The following ZCCHC7 variants were observed in gnomAD, a reference collection of about 807,000 sequenced individuals.
The protein encoded by ZCCHC7 is zinc finger CCHC-type containing 7, also known as zinc finger CCHC domain-containing protein 7.
A neutral mutation model predicts 52.0 loss-of-function variants in ZCCHC7; 35 were observed. The observed-to-expected ratio is 0.67, with a 90% CI of 0.51 to 0.89. The LOEUF is 0.89. Among genes scored for constraint, ZCCHC7 ranks in the 40% least tolerant of loss-of-function variants. ZCCHC7 has a pLI of 0.00. For missense variants in ZCCHC7, 574 were observed against 649.1 expected (o/e 0.88, Z 1.26); for synonymous variants, 217 against 221.5 (o/e 0.98, Z 0.18).
intron 2 of ZCCHC7, among the ~76,000 whole-genome samples, chr9:37,142,284 A>AT (rs1236229752): frequency 1.3e-5 from 2 of 151,632 alleles, no homozygotes; most frequent in Non-Finnish European, 3.0e-5. Context: ...ATAATTTTAG[A>AT]TTTTTTTCCT....
intron 2 of ZCCHC7, among the ~76,000 whole-genome samples, chr9:37,148,259 T>C (rs1036042664): frequency 4.6e-5 from 7 of 152,074 alleles, no homozygotes. Flanking sequence ...TGCTGGTACT[T>C]ACAAAGATGA....
intron 6 of ZCCHC7, among the ~76,000 whole-genome samples, chr9:37,328,828 T>C (rs2118198075): frequency 6.6e-6 from 1 of 152,108 alleles, no homozygotes; most frequent in East Asian, 1.9e-4. Context: ...TAAGGTGGTT[T>C]GTTTTCACAT....
intron 6 of ZCCHC7, chr9:37,333,715 G>A (rs1192455089): frequency 6.6e-6 from 1 of 151,502 alleles, no homozygotes; most frequent in Non-Finnish European, 1.5e-5. Context: ...ATTTATTCTT[G>A]ATTATTAAAT....
At chr9:37,214,686 T>G (rs904399411) in intron 2 of ZCCHC7, among the ~76,000 whole-genome samples, 6 of 152,096 alleles carry the variant, frequency 3.9e-5, no homozygotes, top group Non-Finnish European at 5.9e-5. Flanking sequence ...TTTTCTTTGA[T>G]GTTTTATGAA....
chr9:37,241,744 T>A (rs1256211515), intron 2 of ZCCHC7, among the ~76,000 whole-genome samples: 8 of 151,772 alleles, frequency 5.3e-5, no homozygotes, highest in Non-Finnish European at 1.5e-5. Flanking sequence ...CTTTCCTGAG[T>A]GCCCAGTGAG....
intron 5 of ZCCHC7, among the ~76,000 whole-genome samples, chr9:37,311,056 T>A (rs1302578640): frequency 1.3e-5 from 2 of 152,116 alleles, no homozygotes; most frequent in South Asian, 2.1e-4. Flanking sequence ...GTCAGCACTT[T>A]AAAAAACCCC....
chr9:37,334,893 A>G (rs1424583664), intron 6 of ZCCHC7, among the ~76,000 whole-genome samples: 5 of 152,118 alleles, frequency 3.3e-5, no homozygotes, highest in African/African-American at 1.2e-4. Flanking sequence ...CGCACATTTC[A>G]AAACAAGAAT....
chr9:37,124,197 T>C (rs1160666103), intron 1 of ZCCHC7, among the ~76,000 whole-genome samples: 1 of 152,190 alleles, frequency 6.6e-6, no homozygotes, highest in African/African-American at 2.4e-5. Flanking sequence ...TATTGCTCTT[T>C]AGGCTGTCCC....
chr9:37,305,785 G>T, intron 5 of ZCCHC7, 71 bp downstream of exon 5: 1 of 1,529,794 alleles, frequency 6.5e-7, no homozygotes. Flanking sequence ...TAATGTGCAA[G>T]TTTATAACTA....
intron 2 of ZCCHC7, among the ~76,000 whole-genome samples, chr9:37,155,680 G>T (rs888508548): frequency 6.6e-6 from 1 of 152,138 alleles, no homozygotes; most frequent in African/African-American, 2.4e-5. Context: ...AAAGTTTCTT[G>T]TTCTCAGATA....
intron 5 of ZCCHC7, among the ~76,000 whole-genome samples, chr9:37,306,762 C>CTTTTTTTTTTTTTTTTTTTTTTT (rs869292704): frequency 3.8e-5 from 2 of 52,034 alleles, no homozygotes; most frequent in African/African-American, 7.1e-5. Context: ...TGTACCCGAC[C>CTTTTTTTTTTTTTTTTTTTTTTT]TTTTTTTTTT....
intron 2 of ZCCHC7, among the ~76,000 whole-genome samples, chr9:37,155,130 G>T (rs1261828958): frequency 6.6e-6 from 1 of 152,150 alleles, no homozygotes; most frequent in Non-Finnish European, 1.5e-5. Context: ...GGAGGCCAAG[G>T]CGGGCGGATC....
intron 2 of ZCCHC7, among the ~76,000 whole-genome samples, chr9:37,280,791 CAG>C (rs1403006016): frequency 9.2e-5 from 14 of 152,080 alleles, no homozygotes; most frequent in Admixed American, 2.6e-4. Context: ...TTTCTTGAGA[CAG>C]AGTCTTGCTT....
intron 6 of ZCCHC7, among the ~76,000 whole-genome samples, chr9:37,341,007 T>A (rs936473786): frequency 8.5e-5 from 13 of 152,220 alleles, no homozygotes; most frequent in Admixed American, 3.9e-4. Flanking sequence ...TGAATGAACA[T>A]CCACATGTTT....
At chr9:37,207,003 G>A (rs905239282) in intron 2 of ZCCHC7, among the ~76,000 whole-genome samples, 3 of 151,740 alleles carry the variant, frequency 2.0e-5, no homozygotes, top group African/African-American at 7.3e-5. Flanking sequence ...GTGTGCAACC[G>A]TAGTCCCAGC....
intron 2 of ZCCHC7, among the ~76,000 whole-genome samples, chr9:37,221,661 A>T (rs1824818403): frequency 6.6e-6 from 1 of 152,212 alleles, no homozygotes; most frequent in Non-Finnish European, 1.5e-5. Context: ...TAGTAACTAG[A>T]TTAAGATGAG....
intron 2 of ZCCHC7, among the ~76,000 whole-genome samples, chr9:37,277,925 GATGT>G (rs1414057582): frequency 1.3e-5 from 2 of 152,072 alleles, no homozygotes; most frequent in East Asian, 3.9e-4. Flanking sequence ...TGGAAACTTT[GATGT>G]ATACTCAAGA....
chr9:37,348,062 C>G (rs308499), intron 6 of ZCCHC7, among the ~76,000 whole-genome samples: 59,667 of 152,018 alleles, frequency 0.39, 11,994 homozygotes, highest in Middle Eastern at 0.45. Context: ...GTGATCCTGT[C>G]CACTCTAGTG....
At chr9:37,316,257 G>A (rs1269592633) in intron 5 of ZCCHC7, among the ~76,000 whole-genome samples, 1 of 151,352 alleles carries the variant, frequency 6.6e-6, no homozygotes, top group African/African-American at 2.4e-5. Context: ...ATGGGGTTTC[G>A]CCATGTTGTC....
Sources: allele counts gnomAD v4.1 joint callset (sites outside exome capture counted in the v4.1 genomes callset), GRCh38; gene constraint gnomAD v4.1.1; transcripts MANE v1.5; gene names NCBI Gene and HGNC (gene_info 2026-07-23, HGNC 2026-07-21).